Variants in SEC24D observed in about 807,000 individuals in gnomAD.
SEC24D encodes protein transport protein Sec24D.
In SEC24D, 69 loss-of-function variants were observed where a neutral mutation model predicts 116.9. The ratio of observed to expected loss-of-function variants is 0.59; its 90% CI spans 0.49 to 0.72. The LOEUF (loss-of-function observed/expected upper bound fraction) is 0.72, where lower values mean the gene tolerates loss of function less well. Ranked by LOEUF, SEC24D falls within the 30% of genes least tolerant of loss-of-function variation. The pLI, the probability that SEC24D is intolerant of heterozygous loss-of-function variation, is 0.00. For missense variants in SEC24D, 1,131 were observed against 1,264.1 expected (o/e 0.89, Z 1.60); for synonymous variants, 405 against 442.8 (o/e 0.91, Z 1.07).
chr4:118,733,175 C>T, intron 19 of SEC24D: 2 of 267,468 alleles, frequency 7.5e-6, no homozygotes, highest in African/African-American at 4.4e-5. Flanking sequence ...GCTTAGGATG[C>T]AATCCCAGCT....
chr4:118,830,525 T>A (rs1414716189), intron 2 of SEC24D, among the ~76,000 whole-genome samples: 1 of 152,176 alleles, frequency 6.6e-6, no homozygotes, highest in African/African-American at 2.4e-5. Context: ...GTCATCCACT[T>A]CATTGAATAA....
In SEC24D at chr4:118,733,115, C is replaced by T; in HGVS notation, c.2497-203G>A. On this transcript the variant is annotated intron_variant, in intron 19 of 22. Coordinates refer to ENST00000280551, the MANE Select transcript of SEC24D (RefSeq NM_014822.4). Reference sequence around the variant, plus strand: ...AGAGCAGCAGTTGTTTTTATTTTATCTAGTGCTACAGCAGTCTGGTGTAGC... The same window carrying T: ...AGAGCAGCAGTTGTTTTTATTTTATTTAGTGCTACAGCAGTCTGGTGTAGC... The T allele has an allele frequency of 1.8e-5, 9 of 511,088 alleles. No homozygotes were observed. The South Asian group carries it at 1.9e-4, about 11-fold the overall frequency. The allele number at this position is 511,088 out of a possible 1,614,324, so 31.7% of individuals were successfully genotyped here. A position where few individuals can be genotyped will look rare whatever the true frequency, so the allele number is the denominator to read the frequency against.
At chr4:118,806,306 G>A (rs571898272) in intron 6 of SEC24D, among the ~76,000 whole-genome samples, 19 of 151,846 alleles carry the variant, frequency 1.3e-4, no homozygotes, top group Non-Finnish European at 1.8e-4. Flanking sequence ...TAGAACATAG[G>A]TAAGCATTTT....
At position 118,738,344 on chromosome 4, in the gene SEC24D, T is replaced by A. The variant is rs1378455547; in HGVS notation, c.2413A>T (p.Ile805Phe). Residue 805 changes from isoleucine to phenylalanine, a missense_variant, in exon 19 of 23, where the codon ATC becomes TTC. By Grantham distance (21) the Ile-to-Phe change is conservative. Coordinates refer to ENST00000280551, the MANE Select transcript of SEC24D (RefSeq NM_014822.4). ...GTCTGATTAACTAGAATTTCCCGGA[T>A]GACCTTCAAAGGCTGGTGGAGAACT... ...KAVLHQPLKV[I>F]REILVNQTAH... is the part of the protein sequence containing the mutation. 25 of 1,613,376 alleles carry A rather than the reference T, an allele frequency of 1.5e-5. No individual in the cohort carries two copies. Among genetic ancestry groups the A allele is most frequent in the Non-Finnish European group, 1.9e-5 (23 of 1,179,506 alleles).
intron 8 of SEC24D, among the ~76,000 whole-genome samples, chr4:118,793,554 C>CA (rs999100509): frequency 6.6e-6 from 1 of 150,854 alleles, no homozygotes; most frequent in Admixed American, 6.6e-5. Flanking sequence ...AGTAGAGCAG[C>CA]AATAATTCCC....
chr4:118,730,133 C>T (rs1397869493), intron 21 of SEC24D: 1 of 152,188 alleles, frequency 6.6e-6, no homozygotes, highest in African/African-American at 2.4e-5. Flanking sequence ...TTCAGTTCAG[C>T]AACTATGCAT....
chr4:118,757,398 T>C (rs985676298), intron 11 of SEC24D, among the ~76,000 whole-genome samples: 6 of 152,228 alleles, frequency 3.9e-5, no homozygotes, highest in Admixed American at 2.6e-4. Context: ...TAGTGTCCAT[T>C]GGAAAATCAA....
At chr4:118,742,526 C>G (rs999588863) in intron 15 of SEC24D, among the ~76,000 whole-genome samples, 7 of 152,108 alleles carry the variant, frequency 4.6e-5, no homozygotes, top group Non-Finnish European at 1.0e-4. Context: ...AGTTTATTTT[C>G]TAGAGTGTAT....
chr4:118,734,934 T>A (rs993913190), intron 19 of SEC24D, among the ~76,000 whole-genome samples: 1 of 152,248 alleles, frequency 6.6e-6, no homozygotes, highest in African/African-American at 2.4e-5. Flanking sequence ...ATGCTATTTC[T>A]GGTCTAGTTA....
Position 118,738,315 on chromosome 4 carries a change from G to C in SEC24D, c.2442C>G (p.Ala814=). ...TCTTCCGGTAACATGCCAACATATG[G>C]GCAGTCTGATTAACTAGAATTTCCC... ...VIREILVNQT[A]HMLACYRKNC... The change falls in exon 19 of 23, where the codon GCC becomes GCG. Residue 814 remains alanine, a synonymous_variant. Coordinates refer to ENST00000280551, the MANE Select transcript of SEC24D (RefSeq NM_014822.4). 1 of 1,613,622 alleles carries C rather than the reference G, an allele frequency of 6.2e-7. No individual in the cohort carries two copies. The highest frequency in any genetic ancestry group is 8.5e-7 in the Non-Finnish European group (1 of 1,179,670).
At chr4:118,768,394 CT>C (rs34595739) in intron 8 of SEC24D, 83 bp from the exon 9 acceptor site, 22,408 of 573,974 alleles carry the variant, frequency 0.039, 3 homozygotes, top group East Asian at 0.058. Flanking sequence ...TTTAATGGCA[CT>C]TTTTTTTTTT....
intron 18 of SEC24D, 147 bp from the exon 19 acceptor site, chr4:118,738,526 A>G: frequency 1.5e-6 from 1 of 656,522 alleles, no homozygotes; most frequent in Non-Finnish European, 2.8e-6. Context: ...TCATTTGCTA[A>G]TGGTCTCCTC....
At chr4:118,751,680 C>A (rs1726844402) in intron 13 of SEC24D, among the ~76,000 whole-genome samples, 1 of 152,124 alleles carries the variant, frequency 6.6e-6, no homozygotes, top group Non-Finnish European at 1.5e-5. Flanking sequence ...ATATGGGAAT[C>A]TGGTAGTTCT....
chr4:118,827,073 A>AAGATAAGGGAGTTTTCTTCATAT (rs1286873665), intron 2 of SEC24D, among the ~76,000 whole-genome samples: 1 of 152,142 alleles, frequency 6.6e-6, no homozygotes, highest in Non-Finnish European at 1.5e-5. Context: ...CTTCATATAG[A>AAGATAAGGGAGTTTTCTTCATAT]AGACAGGATA....
intron 10 of SEC24D, among the ~76,000 whole-genome samples, chr4:118,762,218 CT>C (rs967288985): frequency 2.0e-5 from 3 of 150,928 alleles, no homozygotes; most frequent in African/African-American, 4.9e-5. Context: ...AAGCTGAGGC[CT>C]TTTTTTTTCT....
chr4:118,732,411 A>G (rs904943347), intron 20 of SEC24D, among the ~76,000 whole-genome samples: 1 of 152,142 alleles, frequency 6.6e-6, no homozygotes, highest in Non-Finnish European at 1.5e-5. Flanking sequence ...AAGTGCTGGG[A>G]TTACAGACGT....
intron 21 of SEC24D, chr4:118,729,769 T>TG (rs2110428488): frequency 6.6e-6 from 1 of 152,330 alleles, no homozygotes; most frequent in African/African-American, 2.4e-5. Context: ...CCAGAGAACA[T>TG]GTGAGTTAGA....
At chr4:118,776,076 T>C (rs974145861) in intron 8 of SEC24D, among the ~76,000 whole-genome samples, 3 of 137,916 alleles carry the variant, frequency 2.2e-5, no homozygotes, top group Non-Finnish European at 4.5e-5. Flanking sequence ...GGAAGAGAGA[T>C]AGGGAAGGAG....
chr4:118,729,774 G>A (rs1412813105), intron 21 of SEC24D: 1 of 152,198 alleles, frequency 6.6e-6, no homozygotes, highest in Non-Finnish European at 1.5e-5. Context: ...GAACATGTGA[G>A]TTAGAATGTT....
Sources: gnomAD v4.1 joint callset for allele counts (sites outside exome capture counted in the v4.1 genomes callset) on GRCh38, gnomAD v4.1.1 for gene constraint, MANE v1.5 for transcripts, NCBI Gene and HGNC (gene_info 2026-07-23, HGNC 2026-07-21) for gene names.